Variants in WDR76 observed in about 807,000 individuals in gnomAD.
The protein encoded by WDR76 is WD repeat-containing protein 76.
Under a neutral mutation model 70.2 loss-of-function variants are expected in WDR76, and 52 were observed. The ratio of observed to expected loss-of-function variants is 0.74; its 90% CI spans 0.59 to 0.93. The LOEUF is 0.93. WDR76 is among the 40% of genes least tolerant of loss of function. The pLI, the probability that WDR76 is intolerant of heterozygous loss-of-function variation, is 0.00. For missense variants in WDR76, 756 were observed against 760.2 expected, an observed-to-expected ratio of 0.99 and a Z score of 0.07; for synonymous variants, 292 against 271.1, an observed-to-expected ratio of 1.08 and a Z score of -0.76.
chr15:43,836,256 T>C (rs1329010005), intron 4 of WDR76, 40 bp downstream of exon 4: 5 of 1,575,992 alleles, frequency 3.2e-6, no homozygotes, highest in Middle Eastern at 1.7e-4. Flanking sequence ...CATGATACAT[T>C]GCTCAACTGT....
chr15:43,857,605 A>G (rs2087944073), intron 10 of WDR76: 1 of 863,092 alleles, frequency 1.2e-6, no homozygotes, highest in Admixed American at 6.2e-5. Context: ...AGATCACTTG[A>G]GGTCAGGAGT....
At chr15:43,830,716 G>A (rs1442448992) in intron 2 of WDR76, among the ~76,000 whole-genome samples, 1 of 151,942 alleles carries the variant, frequency 6.6e-6, no homozygotes, top group Non-Finnish European at 1.5e-5. Flanking sequence ...TTCCAGACCA[G>A]CCTGCCCAAA....
At chr15:43,845,963 C>G (rs1319010048) in intron 8 of WDR76, among the ~76,000 whole-genome samples, 2 of 150,034 alleles carry the variant, frequency 1.3e-5, no homozygotes, top group Non-Finnish European at 3.0e-5. Flanking sequence ...ATCATAGATT[C>G]TCCCTTATTT....
chr15:43,836,464 G>A (rs900870340), intron 4 of WDR76, among the ~76,000 whole-genome samples: 4 of 152,020 alleles, frequency 2.6e-5, no homozygotes, highest in Non-Finnish European at 4.4e-5. Flanking sequence ...ACTAATGAAG[G>A]GAAATCTTTA....
In WDR76 at chr15:43,838,641, A is replaced by G. The variant is rs544011477; in HGVS notation, c.609-964A>G. ...CATATTTATGCTTTTAAATTTACCC[A>G]TGTTGATGCGCACAGCTTTATTTCG... On this transcript the variant is annotated intron_variant, in intron 4 of 12. Transcript: ENST00000263795. Among the ~76,000 whole-genome samples, 4 of 152,214 alleles carry G rather than the reference A, an allele frequency of 2.6e-5. No individual in the cohort carries two copies. In the East Asian group the frequency reaches 7.7e-4, roughly 29 times the overall value.
intron 9 of WDR76, among the ~76,000 whole-genome samples, chr15:43,855,989 T>C (rs1323647269): frequency 6.6e-6 from 1 of 152,244 alleles, no homozygotes; most frequent in East Asian, 1.9e-4. Context: ...ACACCTATGC[T>C]TACAAGCATA....
intron 7 of WDR76, among the ~76,000 whole-genome samples, chr15:43,843,415 A>G (rs1036699974): frequency 6.6e-6 from 1 of 151,890 alleles, no homozygotes; most frequent in Non-Finnish European, 1.5e-5. Flanking sequence ...GAAGGAGTTC[A>G]CTTCTCCTCC....
intron 8 of WDR76, among the ~76,000 whole-genome samples, chr15:43,844,496 T>C (rs2087763010): frequency 6.6e-6 from 1 of 151,754 alleles, no homozygotes; most frequent in South Asian, 2.1e-4. Flanking sequence ...GGTAGGTGCC[T>C]GTAATCCCAG....
Position 43,851,127 on chromosome 15 carries a change from C to G in WDR76, c.1073C>G (p.Pro358Arg). ...PKEDGVYVFH[P>R]HSQPVSCLYF... ...GAAGATGGAGTTTATGTTTTTCATC[C>G]CCATAGTCAGCCAGTTAGCTGTCTT... Residue 358 changes from proline to arginine, a missense_variant, in exon 9 of 13, where the codon CCC becomes CGC. Physicochemically the swap from Pro to Arg is moderately radical, Grantham distance 103 (BLOSUM62 -2). Transcript: ENST00000263795. 6.2e-7 allele frequency: 1 copy of G among 1,614,150 alleles called. No homozygotes were observed. The highest frequency in any genetic ancestry group is 8.5e-7 in the Non-Finnish European group (1 of 1,180,024).
At chr15:43,837,549 G>T (rs1567183804) in intron 4 of WDR76, among the ~76,000 whole-genome samples, 1 of 152,148 alleles carries the variant, frequency 6.6e-6, no homozygotes, top group African/African-American at 2.4e-5. Context: ...TAGCCTTTGA[G>T]ATTTAGCAAA....
intron 9 of WDR76, among the ~76,000 whole-genome samples, chr15:43,853,216 G>T (rs73414065): frequency 0.019 from 2,931 of 150,856 alleles, 70 homozygotes; most frequent in African/African-American, 0.067. Context: ...TTGAGATGGG[G>T]GTCTCACTCT....
Position 43,866,451 on chromosome 15 carries a change from A to C in WDR76, c.*59A>C, listed in dbSNP as rs2088072721. Reference sequence around the variant, plus strand: ...TGACCACTGTCTAAGGAGCCTAGTAATCGGCGTGCCTTAGTGTGTTTATGT... The same window carrying C: ...TGACCACTGTCTAAGGAGCCTAGTACTCGGCGTGCCTTAGTGTGTTTATGT... On this transcript the variant is annotated 3_prime_UTR_variant, in exon 13 of 13. Coordinates refer to ENST00000263795, the MANE Select transcript of WDR76 (RefSeq NM_024908.4). 1.3e-6 allele frequency: 2 copies of C among 1,587,254 alleles called. No homozygotes were observed. The highest frequency in any genetic ancestry group is 3.4e-5 in the Admixed American group (2 of 58,746).
rs2087963911 is a variant in WDR76 at position 43,858,910 on chromosome 15, G to C, written c.1562+87G>C. The C allele has an allele frequency of 1.2e-5, 18 of 1,467,466 alleles. No individual in the cohort carries two copies. In the South Asian group the frequency reaches 2.4e-4, roughly 20 times the overall value. 90.9% of individuals were successfully genotyped at this position (1,467,466 alleles called of 1,614,324 possible). A position where few individuals can be genotyped will look rare whatever the true frequency, so the allele number is the denominator to read the frequency against. On this transcript the variant is annotated intron_variant, in intron 11 of 12. Coordinates refer to ENST00000263795, the MANE Select transcript of WDR76 (RefSeq NM_024908.4). ...TAAACCAAAAGCTTTGTTTACTGCTGTTCCCTATTAAATTGCTAGTGTTAT... is the reference window on the plus strand; with the variant it reads ...TAAACCAAAAGCTTTGTTTACTGCTCTTCCCTATTAAATTGCTAGTGTTAT...
In WDR76 at chr15:43,828,246, A is replaced by C; in HGVS notation, c.342A>C (p.Ser114=). The change falls in exon 2 of 13, where the codon TCA becomes TCC. Residue 114 remains serine, a synonymous_variant. Coordinates refer to ENST00000263795, the MANE Select transcript of WDR76 (RefSeq NM_024908.4). ...KAESTLQNSS[S]AVHTESNKLQ... is the part of the protein sequence containing the mutation. ...AATCCACGCTGCAAAATTCATCCTC[A>C]GCTGTTCATACTGAAAGTAACAAGC... 1 of 1,614,220 alleles carries C rather than the reference A, an allele frequency of 6.2e-7. No individual in the cohort carries two copies. The highest frequency in any genetic ancestry group is 8.5e-7 in the Non-Finnish European group (1 of 1,180,042).
Position 43,866,461 on chromosome 15 carries a change from C to A in WDR76, c.*69C>A, listed in dbSNP as rs778379506. ...CTAAGGAGCCTAGTAATCGGCGTGC[C>A]TTAGTGTGTTTATGTGGTAATGTGT... On this transcript the variant is annotated 3_prime_UTR_variant, in exon 13 of 13. Transcript: ENST00000263795. The A allele has an allele frequency of 3.8e-6, 6 of 1,559,220 alleles. No homozygotes were observed. Among genetic ancestry groups the A allele is most frequent in the Non-Finnish European group, 5.3e-6 (6 of 1,140,054 alleles).
At chr15:43,861,524 T>G in intron 12 of WDR76, 138 bp downstream of exon 12, 1 of 842,394 alleles carries the variant, frequency 1.2e-6, no homozygotes, top group Non-Finnish European at 1.9e-6. Context: ...TGTCCCAGTT[T>G]GCTAGTTCCT....
intron 12 of WDR76, among the ~76,000 whole-genome samples, chr15:43,863,488 AAT>A (rs1210480003): frequency 6.6e-6 from 1 of 151,962 alleles, no homozygotes; most frequent in Non-Finnish European, 1.5e-5. Context: ...ACTGAAATTT[AAT>A]AGTTTTTGAC....
intron 8 of WDR76, among the ~76,000 whole-genome samples, chr15:43,849,095 A>C (rs1017938360): frequency 2.0e-5 from 3 of 151,560 alleles, no homozygotes; most frequent in African/African-American, 7.3e-5. Flanking sequence ...GAATCGCTTG[A>C]ACCTGGGAGG....
chr15:43,846,380 C>T (rs747132898), intron 8 of WDR76, among the ~76,000 whole-genome samples: 18 of 148,692 alleles, frequency 1.2e-4, no homozygotes, highest in South Asian at 2.1e-4. Context: ...CAACTTCCCA[C>T]GGTCAAGCAA....
Sources: allele counts gnomAD v4.1 joint callset (sites outside exome capture counted in the v4.1 genomes callset), GRCh38; gene constraint gnomAD v4.1.1; transcripts MANE v1.5; gene names NCBI Gene and HGNC (gene_info 2026-07-23, HGNC 2026-07-21).